GRB14: variants seen among roughly 807,000 people sequenced by gnomAD.
GRB14 encodes the protein growth factor receptor-bound protein 14.
Under a neutral mutation model 69.1 loss-of-function variants are expected in GRB14, and 38 were observed. That is an observed-to-expected ratio of 0.55 (90% CI 0.42 to 0.72). The LOEUF is 0.72. Among genes scored for constraint, GRB14 ranks in the 30% least tolerant of loss-of-function variants. GRB14 has a pLI of 0.00. For missense variants in GRB14, 666 were observed against 666.1 expected (o/e 1.00, Z 0.00); for synonymous variants, 247 against 241.3 (o/e 1.02, Z -0.22).
At chr2:164,508,196 C>T (rs1007450026) in intron 8 of GRB14, among the ~76,000 whole-genome samples, 8 of 152,136 alleles carry the variant, frequency 5.3e-5, no homozygotes, top group Non-Finnish European at 1.0e-4. Flanking sequence ...TATGTAATAC[C>T]TTCACAAAAG....
intron 2 of GRB14, among the ~76,000 whole-genome samples, chr2:164,549,905 AAATAAAAT>A (rs1363845710): frequency 2.0e-5 from 3 of 149,368 alleles, no homozygotes; most frequent in Non-Finnish European, 4.5e-5. Flanking sequence ...AAATAAAATA[AAATAAAAT>A]AAAATAAAAT....
At chr2:164,498,919 G>T in intron 9 of GRB14, among the ~76,000 whole-genome samples, 1 of 152,062 alleles carries the variant, frequency 6.6e-6, no homozygotes, top group East Asian at 1.9e-4. Context: ...TGTTACAGGA[G>T]CCTTTATAAC....
intron 3 of GRB14, among the ~76,000 whole-genome samples, chr2:164,543,419 T>C (rs937973456): frequency 1.3e-5 from 2 of 152,206 alleles, no homozygotes; most frequent in African/African-American, 4.8e-5. Context: ...ACAGCCATCA[T>C]GGATGCTGGA....
intron 2 of GRB14, among the ~76,000 whole-genome samples, chr2:164,586,328 G>A (rs1436135591): frequency 6.6e-6 from 1 of 152,134 alleles, no homozygotes; most frequent in Non-Finnish European, 1.5e-5. Flanking sequence ...TTAAGCTGAG[G>A]AATCTGATGG....
chr2:164,603,223 A>G (rs1689963453), intron 2 of GRB14, among the ~76,000 whole-genome samples: 1 of 149,954 alleles, frequency 6.7e-6, no homozygotes, highest in African/African-American at 2.5e-5. Flanking sequence ...TGATGAAAAA[A>G]TGTTAAAAAG....
At chr2:164,568,696 G>C (rs562977989) in intron 2 of GRB14, among the ~76,000 whole-genome samples, 1 of 152,114 alleles carries the variant, frequency 6.6e-6, no homozygotes, top group African/African-American at 2.4e-5. Context: ...CCAAAACAGT[G>C]CAATTCAATG....
At chr2:164,613,552 G>A (rs1459187686) in intron 2 of GRB14, among the ~76,000 whole-genome samples, 1 of 152,210 alleles carries the variant, frequency 6.6e-6, no homozygotes, top group Admixed American at 6.5e-5. Flanking sequence ...GCACTGACAT[G>A]AAATCAGGGC....
intron 2 of GRB14, among the ~76,000 whole-genome samples, chr2:164,562,458 T>C (rs1041074935): frequency 6.6e-6 from 1 of 152,204 alleles, no homozygotes; most frequent in African/African-American, 2.4e-5. Flanking sequence ...AGATATATTG[T>C]CTTTCTCTCC....
At chr2:164,599,745 C>T (rs560644155) in intron 2 of GRB14, among the ~76,000 whole-genome samples, 3 of 152,292 alleles carry the variant, frequency 2.0e-5, no homozygotes, top group African/African-American at 7.2e-5. Context: ...CATATATCTT[C>T]AATTCTCAGG....
At chr2:164,545,568 G>A (rs754823318) in intron 3 of GRB14, among the ~76,000 whole-genome samples, 6 of 152,190 alleles carry the variant, frequency 3.9e-5, no homozygotes, top group Middle Eastern at 3.4e-3. Context: ...CATCCCTGAC[G>A]ACACCTTGAT....
At chr2:164,581,816 CCT>C (rs1689413094) in intron 2 of GRB14, among the ~76,000 whole-genome samples, 1 of 152,136 alleles carries the variant, frequency 6.6e-6, no homozygotes, top group African/African-American at 2.4e-5. Context: ...CAACCAGATT[CCT>C]CTCACTGGCT....
At position 164,508,495 on chromosome 2, in the gene GRB14, T is replaced by C; in HGVS notation, c.983A>G (p.Gln328Arg). 1 of 1,614,162 alleles carries C rather than the reference T, an allele frequency of 6.2e-7. No individual in the cohort carries two copies. The highest frequency in any genetic ancestry group is 8.5e-7 in the Non-Finnish European group (1 of 1,180,006). ...DLKMLCAEEE[Q>R]SRTCWVTAIR... is the part of the protein sequence containing the mutation. Reference sequence around the variant, plus strand: ...CGCGGTCACCCAGCACGTCCTACTCTGCTCTTCTTCTGCACAGAGCATTTT... The same window carrying C: ...CGCGGTCACCCAGCACGTCCTACTCCGCTCTTCTTCTGCACAGAGCATTTT... Residue 328 changes from glutamine to arginine, a missense_variant, in exon 8 of 14, where the codon CAG becomes CGG. Physicochemically the swap from Gln to Arg is conservative, Grantham distance 43 (BLOSUM62 1). Coordinates refer to ENST00000263915, the MANE Select transcript of GRB14 (RefSeq NM_004490.3).
intron 12 of GRB14, among the ~76,000 whole-genome samples, chr2:164,496,176 C>A (rs564175256): frequency 5.3e-5 from 8 of 152,270 alleles, no homozygotes; most frequent in African/African-American, 1.9e-4. Context: ...ACCTTGAAAT[C>A]TTGTCATGAT....
At chr2:164,544,608 C>A (rs751814136) in intron 3 of GRB14, among the ~76,000 whole-genome samples, 1 of 152,108 alleles carries the variant, frequency 6.6e-6, no homozygotes, top group Non-Finnish European at 1.5e-5. Flanking sequence ...ATATGTTGAG[C>A]CTCTTCTGTC....
At chr2:164,564,372 A>G (rs16849588) in intron 2 of GRB14, among the ~76,000 whole-genome samples, 18,686 of 152,212 alleles carry the variant, frequency 0.12, 1,352 homozygotes, top group East Asian at 0.34. Context: ...CATGTTTAAA[A>G]GATTCTGGGA....
chr2:164,615,223 C>T (rs1214027487), intron 2 of GRB14, among the ~76,000 whole-genome samples: 1 of 151,970 alleles, frequency 6.6e-6, no homozygotes, highest in Non-Finnish European at 1.5e-5. Flanking sequence ...ATCCTGTGGA[C>T]CGTAAACCAC....
chr2:164,554,253 T>C (rs1034919653), intron 2 of GRB14, among the ~76,000 whole-genome samples: 4 of 152,160 alleles, frequency 2.6e-5, no homozygotes, highest in African/African-American at 9.6e-5. Context: ...ATAATCATGC[T>C]ATTTAATAAA....
At chr2:164,619,316 C>CA (rs1395288952) in intron 2 of GRB14, among the ~76,000 whole-genome samples, 4 of 152,178 alleles carry the variant, frequency 2.6e-5, no homozygotes, top group African/African-American at 9.7e-5. Flanking sequence ...AGGAATCAGT[C>CA]AATCCCCTTC....
At chr2:164,577,877 G>C (rs1559058866) in intron 2 of GRB14, among the ~76,000 whole-genome samples, 2 of 152,200 alleles carry the variant, frequency 1.3e-5, no homozygotes, top group South Asian at 4.1e-4. Flanking sequence ...TGTAACATTA[G>C]ACAACTAAAA....
Sources: gnomAD v4.1 joint callset for allele counts (sites outside exome capture counted in the v4.1 genomes callset) on GRCh38, gnomAD v4.1.1 for gene constraint, MANE v1.5 for transcripts, NCBI Gene and HGNC (gene_info 2026-07-23, HGNC 2026-07-21) for gene names.